Variants in ZNF850 observed in about 807,000 individuals in gnomAD.
The protein encoded by ZNF850 is zinc finger protein 850.
A neutral mutation model predicts 11.9 loss-of-function variants in ZNF850; 2 were observed. The ratio of observed to expected loss-of-function variants is 0.17; its 90% CI spans 0.07 to 0.53. The LOEUF is 0.53. Among genes scored for constraint, ZNF850 ranks in the 20% least tolerant of loss-of-function variants. The pLI is 0.94. For synonymous variants in ZNF850, 381 were observed against 443.0 expected (o/e 0.86, Z 1.76); for missense variants, 1,014 against 1,316.4 (o/e 0.77, Z 3.55).
Position 36,749,582 on chromosome 19 carries a change from A to G in ZNF850, c.1458T>C (p.Phe486=). The G allele has an allele frequency of 6.5e-7, 1 of 1,547,574 alleles. No homozygotes were observed. Among genetic ancestry groups the G allele is most frequent in the Non-Finnish European group, 8.7e-7 (1 of 1,151,336 alleles). ...GTCGATTGCGTGTTGAGCGAAAAGT[A>G]AAAGATTTTCCACATTCCTTACAAC... The part of the protein sequence containing the change: ...PYCCKECGKS[F]TFRSTRNRHQ... Residue 486 remains phenylalanine (F), a synonymous_variant, in exon 5 of 5, where the codon TTT becomes TTC. Transcript: ENST00000591344.
Position 36,749,955 on chromosome 19 carries a change from T to C in ZNF850, c.1085A>G (p.Glu362Gly). 1 of 1,569,002 alleles carries C rather than the reference T, an allele frequency of 6.4e-7. No homozygotes were observed. ...LIRHQRIHTG[E>G]KPYDCKECGK... ...ACATTCCTTACAGTCATAGGGTTTC[T>C]CACCAGTGTGAATTCGCTGATGTCG... Residue 362 changes from glutamate (E) to glycine (G), a missense_variant, in exon 5 of 5, where the codon GAG (glutamate) becomes GGG (glycine). By Grantham distance (98) the Glu-to-Gly change is moderately conservative. Transcript: ENST00000591344.
chr19:36,770,703 CA>C (rs567709722), intron 1 of ZNF850, among the ~76,000 whole-genome samples: 319 of 66,274 alleles, frequency 4.8e-3, no homozygotes, highest in East Asian at 0.015. Flanking sequence ...GAGACTCCAT[CA>C]AAAAAAAAAA....
intron 4 of ZNF850, among the ~76,000 whole-genome samples, chr19:36,753,422 CAA>C (rs58851544): frequency 6.4e-5 from 3 of 46,654 alleles, no homozygotes; most frequent in Admixed American, 3.8e-4. Flanking sequence ...GACACTGTCT[CAA>C]AAAAAAAAAA....
chr19:36,770,439 C>T (rs1423149966), intron 1 of ZNF850, among the ~76,000 whole-genome samples: 3 of 152,078 alleles, frequency 2.0e-5, no homozygotes, highest in South Asian at 2.1e-4. Flanking sequence ...TGGCTCACGC[C>T]GGTAATCCCA....
At chr19:36,764,568 C>A (rs1352900528) in intron 1 of ZNF850, among the ~76,000 whole-genome samples, 1 of 152,084 alleles carries the variant, frequency 6.6e-6, no homozygotes, top group African/African-American at 2.4e-5. Context: ...AGGCATTTTC[C>A]AAAGAGTAAT....
At chr19:36,757,505 T>C (rs2040493720) in intron 4 of ZNF850, among the ~76,000 whole-genome samples, 1 of 29,500 alleles carries the variant, frequency 3.4e-5, no homozygotes, top group Non-Finnish European at 1.0e-4. Flanking sequence ...TATAGTTTCT[T>C]TTTTTTTTTT....
At chr19:36,751,624 G>A (rs2040454620) in intron 4 of ZNF850, among the ~76,000 whole-genome samples, 1 of 147,642 alleles carries the variant, frequency 6.8e-6, no homozygotes, top group East Asian at 2.0e-4. Flanking sequence ...CTTGAGCCCG[G>A]GAGGCTGAGG....
chr19:36,758,427 C>G (rs1159639922), intron 4 of ZNF850, among the ~76,000 whole-genome samples: 3 of 152,166 alleles, frequency 2.0e-5, no homozygotes, highest in African/African-American at 7.2e-5. Context: ...GTCACTCACA[C>G]TGCAGTGCAG....
intron 1 of ZNF850, among the ~76,000 whole-genome samples, chr19:36,765,719 G>A (rs2040545389): frequency 6.6e-6 from 1 of 151,474 alleles, no homozygotes; most frequent in South Asian, 2.1e-4. Context: ...CGAGTAGCTG[G>A]GATTACAGGC....
At position 36,750,346 on chromosome 19, in the gene ZNF850, T is replaced by C. The variant is rs921293365; in HGVS notation, c.694A>G (p.Lys232Glu). Residue 232 changes from lysine to glutamate, a missense_variant, in exon 5 of 5, where the codon AAA becomes GAA. Lys to Glu is a moderately conservative substitution (Grantham distance 56, BLOSUM62 1). Coordinates refer to ENST00000591344, the MANE Select transcript of ZNF850 (RefSeq NM_001193552.2). ...EKPCACKEYG[K>E]AFISGSHLIQ... ...AGATGTGAGCCAGAAATAAAAGCTTTTCCATATTCTTTACATGCACAGGGC... is the reference window on the plus strand; with the variant it reads ...AGATGTGAGCCAGAAATAAAAGCTTCTCCATATTCTTTACATGCACAGGGC... 6.5e-7 allele frequency: 1 copy of C among 1,536,550 alleles called. No homozygotes were observed. The highest frequency in any genetic ancestry group is 8.7e-7 in the Non-Finnish European group (1 of 1,146,910).
chr19:36,762,428 A>G lies in ZNF850; in HGVS notation c.16T>C (p.Leu6=), dbSNP rs1224409739. The part of the protein sequence containing the change: MNMEG[L]VMFQDLSIDF... The stretch of plus-strand genomic sequence containing the variant: ...ATAGACAGATCCTGGAACATGACCA[A>G]CCCCTGAAATGACAAACCCATGCAG... Residue 6 remains leucine, a synonymous_variant, in exon 3 of 5, where the codon TTG becomes CTG. Transcript: ENST00000591344. 6 of 1,561,396 alleles carry G rather than the reference A, an allele frequency of 3.8e-6. No homozygotes were observed. The highest frequency in any genetic ancestry group is 5.2e-6 in the Non-Finnish European group (6 of 1,161,510).
intron 4 of ZNF850, among the ~76,000 whole-genome samples, chr19:36,761,171 G>A (rs1030537934): frequency 6.6e-6 from 1 of 151,936 alleles, no homozygotes; most frequent in African/African-American, 2.4e-5. Flanking sequence ...CAGGCGCAGT[G>A]GCTCACACCT....
chr19:36,747,682 T>A lies in ZNF850; in HGVS notation c.*85A>T. ...AATTCTGGAAAAAGTGAATATGAAGTAATACACATCCATTGTATTTGACCC... is the reference window on the plus strand; with the variant it reads ...AATTCTGGAAAAAGTGAATATGAAGAAATACACATCCATTGTATTTGACCC... On this transcript the variant is annotated 3_prime_UTR_variant, in exon 5 of 5. Transcript: ENST00000591344. 8.1e-7 allele frequency: 1 copy of A among 1,237,530 alleles called. No individual in the cohort carries two copies. Among genetic ancestry groups the A allele is most frequent in the Middle Eastern group, 2.1e-4 (1 of 4,798 alleles). The allele number at this position is 1,237,530 out of a possible 1,614,324, so 76.7% of individuals were successfully genotyped here.
At chr19:36,768,329 A>G (rs1227810) in intron 1 of ZNF850, among the ~76,000 whole-genome samples, 123,036 of 152,108 alleles carry the variant, frequency 0.81, 50,426 homozygotes, top group African/African-American at 0.89. Context: ...TAAAAGAGAA[A>G]TTTTGATTAG....
rs1162629603 is a variant in ZNF850 at position 36,749,822 on chromosome 19, T to C, written c.1218A>G (p.Ser406=). Residue 406 remains serine, a synonymous_variant, in exon 5 of 5, where the codon TCA becomes TCG. Coordinates refer to ENST00000591344, the MANE Select transcript of ZNF850 (RefSeq NM_001193552.2). ...GAATTGCCTGGTGTCCAATTAACCC[T>C]GAGCGAAAAGTAAAAGATTTCCCAC... ...KECGKSFTFR[S]GLIGHQAIHT... The C allele has an allele frequency of 6.4e-7, 1 of 1,565,216 alleles. No individual in the cohort carries two copies. The highest frequency in any genetic ancestry group is 1.9e-5 in the Admixed American group (1 of 52,832).
chr19:36,771,370 A>G (rs1485637412), intron 1 of ZNF850, among the ~76,000 whole-genome samples: 2 of 152,086 alleles, frequency 1.3e-5, no homozygotes, highest in Non-Finnish European at 2.9e-5. Context: ...GGCTGAAGTG[A>G]AAGTTTGGCC....
intron 1 of ZNF850, among the ~76,000 whole-genome samples, chr19:36,765,186 T>A (rs2040542374): frequency 6.6e-6 from 1 of 152,198 alleles, no homozygotes; most frequent in Non-Finnish European, 1.5e-5. Flanking sequence ...GCACAATCAT[T>A]TCACTCCATT....
chr19:36,761,779 C>T, intron 3 of ZNF850, 41 bp from the exon 4 acceptor site: 22 of 1,249,480 alleles, frequency 1.8e-5, no homozygotes, highest in Non-Finnish European at 2.5e-5. Context: ...GGCATGGTGG[C>T]TCACTCCTAT....
intron 4 of ZNF850, among the ~76,000 whole-genome samples, chr19:36,756,570 G>T (rs826969): frequency 0.57 from 86,332 of 152,026 alleles, 25,223 homozygotes; most frequent in Non-Finnish European, 0.63. Context: ...TCATTTCCTT[G>T]AATAGCTGCA....
Sources: allele counts gnomAD v4.1 joint callset (sites outside exome capture counted in the v4.1 genomes callset), GRCh38; gene constraint gnomAD v4.1.1; transcripts MANE v1.5; gene names NCBI Gene and HGNC (gene_info 2026-07-23, HGNC 2026-07-21).